Variants in RERG observed in about 807,000 individuals in gnomAD.
RERG encodes RAS like estrogen regulated growth inhibitor.
Under a neutral mutation model 23.2 loss-of-function variants are expected in RERG, and 25 were observed. That is an observed-to-expected ratio of 1.08 (90% confidence interval 0.79 to 1.50). The LOEUF (loss-of-function observed/expected upper bound fraction) is 1.50. Among genes scored for constraint, RERG ranks in the 40% most tolerant of loss-of-function variants. The probability of loss-of-function intolerance (pLI) is 0.00; values close to 1 mark genes in which losing one functional copy is unlikely to be tolerated. For missense variants in RERG, 253 were observed against 250.1 expected (o/e 1.01, Z -0.08); for synonymous variants, 81 against 89.1 (o/e 0.91, Z 0.51).
intron 2 of RERG, among the ~76,000 whole-genome samples, chr12:15,210,738 T>C (rs1336183551): frequency 6.6e-6 from 1 of 152,210 alleles, no homozygotes; most frequent in African/African-American, 2.4e-5. Flanking sequence ...AAACATGGTT[T>C]AATTGGTCTT....
At chr12:15,212,418 G>T (rs1376561291) in intron 2 of RERG, among the ~76,000 whole-genome samples, 1 of 152,104 alleles carries the variant, frequency 6.6e-6, no homozygotes, top group African/African-American at 2.4e-5. Context: ...TTTTAGGGCA[G>T]ATTGTTTTTA....
At chr12:15,161,199 A>G (rs1040971931) in intron 2 of RERG, among the ~76,000 whole-genome samples, 1 of 149,502 alleles carries the variant, frequency 6.7e-6, no homozygotes, top group Non-Finnish European at 1.5e-5. Context: ...AGAAAGAAAG[A>G]AAGAAAGAAA....
At chr12:15,169,920 A>ATG (rs61079713) in intron 2 of RERG, among the ~76,000 whole-genome samples, 18,655 of 137,466 alleles carry the variant, frequency 0.14, 1,306 homozygotes, top group Admixed American at 0.21. Context: ...TCTGCTAAAA[A>ATG]TGTGTGTGTG....
intron 2 of RERG, among the ~76,000 whole-genome samples, chr12:15,133,755 C>T (rs1263374017): frequency 1.4e-5 from 2 of 145,992 alleles, no homozygotes; most frequent in Non-Finnish European, 3.0e-5. Flanking sequence ...TCCACATCCT[C>T]ACCAGCATTT....
At chr12:15,176,701 A>G (rs531708811) in intron 2 of RERG, among the ~76,000 whole-genome samples, 3 of 152,280 alleles carry the variant, frequency 2.0e-5, no homozygotes, top group African/African-American at 7.2e-5. Context: ...GAGATCTGAA[A>G]ATACCCAAAA....
intron 2 of RERG, among the ~76,000 whole-genome samples, chr12:15,189,711 T>C (rs1442484768): frequency 1.3e-5 from 2 of 152,282 alleles, no homozygotes; most frequent in East Asian, 3.9e-4. Flanking sequence ...GTTGAATAGA[T>C]GGTTCTACAG....
At position 15,108,954 on chromosome 12, in the gene RERG, G is replaced by T; in HGVS notation, c.*156C>A. 1.4e-6 allele frequency: 1 copy of T among 706,958 alleles called. No individual in the cohort carries two copies. Among genetic ancestry groups the T allele is most frequent in the Non-Finnish European group, 2.3e-6 (1 of 435,392 alleles). The allele number at this position is 706,958 out of a possible 1,614,324, so 43.8% of individuals were successfully genotyped here. A position where few individuals can be genotyped will look rare whatever the true frequency, so the allele number is the denominator to read the frequency against. ...TTAGCACTGAAATTGCATAAAACAC[G>T]CTAAAACTTCCCAACCTATTAGAGG... On this transcript the variant is annotated 3_prime_UTR_variant, in exon 5 of 5. Coordinates refer to ENST00000256953, the MANE Select transcript of RERG (RefSeq NM_032918.3).
chr12:15,114,165 T>C (rs912195095), intron 3 of RERG, among the ~76,000 whole-genome samples: 1 of 152,080 alleles, frequency 6.6e-6, no homozygotes, highest in Non-Finnish European at 1.5e-5. Context: ...TAAACTCATC[T>C]AGATTTGAAG....
intron 2 of RERG, among the ~76,000 whole-genome samples, chr12:15,204,625 C>A (rs1313299090): frequency 2.0e-5 from 3 of 151,712 alleles, no homozygotes; most frequent in African/African-American, 4.8e-5. Context: ...AAAAATCCCA[C>A]TGAATTTACA....
chr12:15,202,549 T>C (rs1330011566), intron 2 of RERG, among the ~76,000 whole-genome samples: 1 of 151,852 alleles, frequency 6.6e-6, no homozygotes, highest in East Asian at 1.9e-4. Flanking sequence ...ATGAAGTATT[T>C]GTCCTTCTGT....
chr12:15,160,724 C>T (rs375516702), intron 2 of RERG, among the ~76,000 whole-genome samples: 5 of 152,152 alleles, frequency 3.3e-5, no homozygotes, highest in Admixed American at 6.5e-5. Context: ...CAAGAATTAA[C>T]GCAGCCCCAC....
chr12:15,200,723 T>G (rs1865203976), intron 2 of RERG, among the ~76,000 whole-genome samples: 1 of 151,988 alleles, frequency 6.6e-6, no homozygotes. Context: ...TCCAATATTT[T>G]GAACACATAT....
At chr12:15,216,211 T>C (rs1478447429) in intron 2 of RERG, among the ~76,000 whole-genome samples, 3 of 152,198 alleles carry the variant, frequency 2.0e-5, no homozygotes, top group Non-Finnish European at 4.4e-5. Context: ...ACTGAGGAGA[T>C]TAACAGGGAG....
At chr12:15,122,476 C>T (rs972367155) in intron 2 of RERG, among the ~76,000 whole-genome samples, 1 of 152,068 alleles carries the variant, frequency 6.6e-6, no homozygotes, top group African/African-American at 2.4e-5. Context: ...GACCAGGGGC[C>T]GGAGATGGAA....
intron 2 of RERG, among the ~76,000 whole-genome samples, chr12:15,202,843 G>T (rs530910924): frequency 6.6e-6 from 1 of 151,660 alleles, no homozygotes; most frequent in Non-Finnish European, 1.5e-5. Flanking sequence ...TCATATGGTA[G>T]TTCTAATTTT....
chr12:15,157,436 T>C (rs1471861691), intron 2 of RERG, among the ~76,000 whole-genome samples: 1 of 152,206 alleles, frequency 6.6e-6, no homozygotes, highest in Non-Finnish European at 1.5e-5. Flanking sequence ...GAATTCCCAC[T>C]AGTTGGGACT....
At chr12:15,206,582 G>A (rs1865294389) in intron 2 of RERG, among the ~76,000 whole-genome samples, 1 of 152,104 alleles carries the variant, frequency 6.6e-6, no homozygotes. Context: ...TGGCTTCGGT[G>A]CAGACCTACT....
At chr12:15,118,536 G>A (rs1863772771) in intron 3 of RERG, among the ~76,000 whole-genome samples, 1 of 152,162 alleles carries the variant, frequency 6.6e-6, no homozygotes, top group South Asian at 2.1e-4. Flanking sequence ...TTGGATCTGT[G>A]TCTCCACCCA....
chr12:15,148,887 T>TG lies in RERG; in HGVS notation c.62-27769_62-27768insC, dbSNP rs1156302513. ...TTTTTTTTTTTTTTTTTTTTTTTTT[T>TG]AGACAGAGTCTAGCTCTGTCACCCA... is the stretch of plus-strand genomic sequence containing the variant. On this transcript the variant is annotated intron_variant, in intron 2 of 4. Transcript: ENST00000256953. 3.9e-4 allele frequency among the ~76,000 whole-genome samples: 27 copies of TG among 69,496 alleles called. 7 individuals are homozygous for TG. Among genetic ancestry groups the TG allele is most frequent in the Admixed American group, 5.3e-4 (3 of 5,654 alleles). 45.6% of individuals were successfully genotyped at this position (69,496 alleles called of 152,430 possible). A position where few individuals can be genotyped will look rare whatever the true frequency, so the allele number is the denominator to read the frequency against.
Sources: allele counts gnomAD v4.1 joint callset (sites outside exome capture counted in the v4.1 genomes callset), GRCh38; gene constraint gnomAD v4.1.1; transcripts MANE v1.5; gene names NCBI Gene and HGNC (gene_info 2026-07-23, HGNC 2026-07-21).